GPBP1L1: variants seen among roughly 807,000 people sequenced by gnomAD.
GPBP1L1 encodes vasculin-like protein 1.
GPBP1L1 carries 23 observed loss-of-function variants against 52.5 expected under a neutral mutation model. The ratio of observed to expected loss-of-function variants is 0.44; its 90% confidence interval spans 0.32 to 0.62. The LOEUF is 0.62. GPBP1L1 is among the 20% of genes least tolerant of loss of function. GPBP1L1 has a pLI of 0.06. For missense variants in GPBP1L1, 596 were observed against 579.3 expected (o/e 1.03, Z -0.30); for synonymous variants, 243 against 203.1 (o/e 1.20, Z -1.67).
intron 6 of GPBP1L1, among the ~76,000 whole-genome samples, chr1:45,644,069 G>T (rs1557701025): frequency 6.6e-6 from 1 of 152,200 alleles, no homozygotes; most frequent in Non-Finnish European, 1.5e-5. Flanking sequence ...TCCAGGGGCA[G>T]GGCCTCTAGC....
At chr1:45,663,312 A>G (rs1644969577) in intron 2 of GPBP1L1, among the ~76,000 whole-genome samples, 1 of 152,190 alleles carries the variant, frequency 6.6e-6, no homozygotes, top group Non-Finnish European at 1.5e-5. Context: ...GACACAAAGG[A>G]AAATGCCTCA....
At chr1:45,652,479 T>C (rs1390304366) in intron 6 of GPBP1L1, among the ~76,000 whole-genome samples, 3 of 152,216 alleles carry the variant, frequency 2.0e-5, no homozygotes, top group Non-Finnish European at 4.4e-5. Flanking sequence ...CTCCACACTA[T>C]TTCTTGTTTG....
At chr1:45,652,713 T>C (rs1264362872) in intron 6 of GPBP1L1, among the ~76,000 whole-genome samples, 2 of 142,842 alleles carry the variant, frequency 1.4e-5, no homozygotes, top group Non-Finnish European at 3.1e-5. Flanking sequence ...TATACTGTGA[T>C]TGCTGCATTT....
At chr1:45,661,988 T>C (rs985774062) in intron 2 of GPBP1L1, among the ~76,000 whole-genome samples, 2 of 152,212 alleles carry the variant, frequency 1.3e-5, no homozygotes, top group African/African-American at 4.8e-5. Context: ...CCTTGAGATA[T>C]CTGTCACAGT....
intron 6 of GPBP1L1, among the ~76,000 whole-genome samples, chr1:45,642,742 T>C (rs903918803): frequency 6.6e-6 from 1 of 152,230 alleles, no homozygotes; most frequent in Non-Finnish European, 1.5e-5. Flanking sequence ...AGGGATTTCA[T>C]TTATTTTAAA....
At chr1:45,686,125 G>A (rs1180800659) in intron 1 of GPBP1L1, among the ~76,000 whole-genome samples, 2 of 152,266 alleles carry the variant, frequency 1.3e-5, no homozygotes, top group Non-Finnish European at 2.9e-5. Context: ...AGAGCCGCAG[G>A]TGAGCGTTCC....
At chr1:45,686,029 A>T (rs1645277601) in intron 1 of GPBP1L1, among the ~76,000 whole-genome samples, 1 of 152,198 alleles carries the variant, frequency 6.6e-6, no homozygotes, top group African/African-American at 2.4e-5. Context: ...AAAAGCCCTT[A>T]GCTCTCATTT....
intron 2 of GPBP1L1, among the ~76,000 whole-genome samples, chr1:45,673,824 A>G (rs1213891783): frequency 6.6e-6 from 1 of 152,168 alleles, no homozygotes; most frequent in African/African-American, 2.4e-5. Context: ...ACGCCACTGC[A>G]CTCCAGGCCA....
At chr1:45,664,960 G>A (rs891909828) in intron 2 of GPBP1L1, among the ~76,000 whole-genome samples, 3 of 151,770 alleles carry the variant, frequency 2.0e-5, no homozygotes, top group African/African-American at 7.3e-5. Context: ...TTAAAGGTGT[G>A]AGCCACTGCA....
chr1:45,647,392 T>C (rs962143418), intron 6 of GPBP1L1, among the ~76,000 whole-genome samples: 6 of 152,204 alleles, frequency 3.9e-5, no homozygotes, highest in African/African-American at 1.4e-4. Context: ...TTGTCCTCAG[T>C]GACGGGCTTT....
chr1:45,655,233 G>T lies in GPBP1L1; in HGVS notation c.147C>A (p.Ser49=), dbSNP rs759865583. ...GACCATTGTTAAAAAAACCATCAGA[G>T]GAATTATGTCGACGGCGGCTTACTC... ...RFGVSRRRHN[S]SDGFFNNGPL... Residue 49 remains serine, a synonymous_variant, in exon 5 of 13, where the codon TCC becomes TCA. Coordinates refer to ENST00000355105, the MANE Select transcript of GPBP1L1 (RefSeq NM_021639.5). 6.2e-7 allele frequency: 1 copy of T among 1,614,130 alleles called. No homozygotes were observed. Among genetic ancestry groups the T allele is most frequent in the East Asian group, 2.2e-5 (1 of 44,886 alleles).
intron 2 of GPBP1L1, among the ~76,000 whole-genome samples, chr1:45,674,998 T>G: frequency 6.6e-6 from 1 of 152,174 alleles, no homozygotes; most frequent in Non-Finnish European, 1.5e-5. Flanking sequence ...CTCTTCATTA[T>G]CTCATCAATT....
chr1:45,642,608 A>C (rs1319214112), intron 6 of GPBP1L1, 109 bp from the exon 7 acceptor site: 2 of 759,822 alleles, frequency 2.6e-6, no homozygotes, highest in East Asian at 2.5e-5. Flanking sequence ...TATTTTACAT[A>C]TTAGCAACAC....
At chr1:45,633,157 T>C (rs1644551459) in intron 10 of GPBP1L1, among the ~76,000 whole-genome samples, 1 of 152,218 alleles carries the variant, frequency 6.6e-6, no homozygotes, top group Non-Finnish European at 1.5e-5. Flanking sequence ...TTGCGCTCCT[T>C]GGTATTTACC....
At chr1:45,646,146 C>A in intron 6 of GPBP1L1, 1 of 384,732 alleles carries the variant, frequency 2.6e-6, no homozygotes, top group South Asian at 2.0e-5. Flanking sequence ...CCTCTCTTTT[C>A]GGCATTGGTG....
chr1:45,676,899 A>G (rs1470418943), intron 2 of GPBP1L1, among the ~76,000 whole-genome samples: 1 of 151,166 alleles, frequency 6.6e-6, no homozygotes, highest in Admixed American at 6.6e-5. Context: ...CAACAACAAC[A>G]AAGTACTTCG....
intron 9 of GPBP1L1, 121 bp from the exon 10 acceptor site, chr1:45,633,768 C>G (rs1644560805): frequency 9.4e-7 from 1 of 1,066,644 alleles, no homozygotes; most frequent in Non-Finnish European, 1.3e-6. Flanking sequence ...TTAAACCAAA[C>G]AATCCTTTTA....
intron 6 of GPBP1L1, among the ~76,000 whole-genome samples, chr1:45,652,339 A>C (rs1198444148): frequency 6.6e-6 from 1 of 152,232 alleles, no homozygotes; most frequent in Non-Finnish European, 1.5e-5. Context: ...AAAATGCACA[A>C]ATTGATAAAA....
chr1:45,648,889 G>C (rs987620445), intron 6 of GPBP1L1, among the ~76,000 whole-genome samples: 1 of 152,170 alleles, frequency 6.6e-6, no homozygotes, highest in South Asian at 2.1e-4. Context: ...TTAGCTGGGC[G>C]TAGGGGTGCG....
Sources: allele counts gnomAD v4.1 joint callset (sites outside exome capture counted in the v4.1 genomes callset), GRCh38; gene constraint gnomAD v4.1.1; transcripts MANE v1.5; gene names NCBI Gene and HGNC (gene_info 2026-07-23, HGNC 2026-07-21).